WDR49: variants seen among roughly 807,000 people sequenced by gnomAD.
The protein encoded by WDR49 is cilia- and flagella-associated protein 337.
Under a neutral mutation model 119.5 loss-of-function variants are expected in WDR49, and 107 were observed. The observed-to-expected ratio is 0.90, with a 90% CI of 0.77 to 1.05. WDR49 has a LOEUF of 1.05. WDR49 is among the 50% of genes least tolerant of loss of function. The pLI is 0.00. For synonymous variants in WDR49, 425 were observed against 418.8 expected, an observed-to-expected ratio of 1.01 and a Z score of -0.18; for missense variants, 1,240 against 1,220.5, an observed-to-expected ratio of 1.02 and a Z score of -0.24.
intron 18 of WDR49, 66 bp from the exon 19 acceptor site, chr3:167,479,062 G>A (rs1039036619): frequency 8.4e-7 from 1 of 1,195,832 alleles, no homozygotes; most frequent in East Asian, 2.6e-5. Flanking sequence ...AAATGAAATA[G>A]TGGGGAGAAA....
intron 2 of WDR49, among the ~76,000 whole-genome samples, chr3:167,638,439 A>T (rs1322518746): frequency 6.6e-6 from 1 of 151,530 alleles, no homozygotes; most frequent in Non-Finnish European, 1.5e-5. Context: ...CTATAACTAT[A>T]ATTAAATTTA....
At chr3:167,562,760 G>T (rs1362761546) in intron 8 of WDR49, among the ~76,000 whole-genome samples, 1 of 152,086 alleles carries the variant, frequency 6.6e-6, no homozygotes, top group Admixed American at 6.6e-5. Context: ...TTCTACCTCG[G>T]ACATTAAGGG....
chr3:167,554,555 T>A, intron 10 of WDR49, 95 bp downstream of exon 10: 1 of 697,688 alleles, frequency 1.4e-6, no homozygotes, highest in South Asian at 2.4e-5. Context: ...CTCACCTAGG[T>A]CACCAGCAAG....
At chr3:167,543,121 T>A (rs1270675997) in intron 10 of WDR49, among the ~76,000 whole-genome samples, 5 of 151,408 alleles carry the variant, frequency 3.3e-5, no homozygotes, top group Admixed American at 6.6e-5. Context: ...AACAGACCAA[T>A]AACAAGTAGT....
At chr3:167,607,915 G>A (rs1372868660) in intron 5 of WDR49, among the ~76,000 whole-genome samples, 1 of 151,936 alleles carries the variant, frequency 6.6e-6, no homozygotes, top group Non-Finnish European at 1.5e-5. Context: ...AAGGGTAAAA[G>A]GGAGGGAGGG....
chr3:167,535,074 T>C (rs148642438), intron 11 of WDR49, among the ~76,000 whole-genome samples: 2 of 152,286 alleles, frequency 1.3e-5, no homozygotes, highest in Admixed American at 6.5e-5. Flanking sequence ...AAAATATAGA[T>C]ATATTATTAT....
intron 7 of WDR49, among the ~76,000 whole-genome samples, chr3:167,595,203 T>G (rs554434552): frequency 6.6e-6 from 1 of 152,194 alleles, no homozygotes; most frequent in East Asian, 1.9e-4. Context: ...AAACCACTGC[T>G]CAACAAAATA....
chr3:167,514,961 T>G (rs1183566755), intron 16 of WDR49, among the ~76,000 whole-genome samples: 1 of 152,076 alleles, frequency 6.6e-6, no homozygotes, highest in Non-Finnish European at 1.5e-5. Flanking sequence ...AAGAGGCCAG[T>G]AATGAGTTTT....
At chr3:167,493,771 T>C (rs978944628) in intron 18 of WDR49, among the ~76,000 whole-genome samples, 7 of 152,196 alleles carry the variant, frequency 4.6e-5, no homozygotes, top group Non-Finnish European at 8.8e-5. Context: ...ACTTATTCTT[T>C]TTCCTTTCTA....
At chr3:167,485,026 A>T (rs919503208) in intron 18 of WDR49, among the ~76,000 whole-genome samples, 3 of 152,216 alleles carry the variant, frequency 2.0e-5, no homozygotes, top group Non-Finnish European at 2.9e-5. Context: ...AAAAAGAATG[A>T]GTTCATGTCC....
At chr3:167,637,971 T>C (rs933311072) in intron 2 of WDR49, among the ~76,000 whole-genome samples, 3 of 151,594 alleles carry the variant, frequency 2.0e-5, no homozygotes, top group African/African-American at 7.2e-5. Context: ...CCAATTACTT[T>C]GAACAAGACA....
intron 7 of WDR49, among the ~76,000 whole-genome samples, chr3:167,586,676 C>T (rs1000059337): frequency 1.3e-5 from 2 of 152,134 alleles, no homozygotes; most frequent in Non-Finnish European, 2.9e-5. Flanking sequence ...TGGCAGAATG[C>T]ATTGTTGTTT....
In WDR49 at chr3:167,649,838, G is replaced by A. The variant is rs114120027; in HGVS notation, c.165+3423C>T. 5.8e-3 allele frequency among the ~76,000 whole-genome samples: 881 copies of A among 152,282 alleles called. 7 individuals are homozygous for A. Among genetic ancestry groups the A allele is most frequent in the African/African-American group, 0.02 (849 of 41,554 alleles). ...TTTAGTAGGGCTTGGGCAAATGATA[G>A]CATGGAGCTGACAGGGTAAAGCCAG... On this transcript the variant is annotated intron_variant, in intron 2 of 18. Coordinates refer to ENST00000682715, the MANE Select transcript of WDR49 (RefSeq NM_001366157.1).
chr3:167,512,614 G>T (rs1024710049), intron 16 of WDR49, among the ~76,000 whole-genome samples: 1 of 152,174 alleles, frequency 6.6e-6, no homozygotes, highest in Non-Finnish European at 1.5e-5. Flanking sequence ...AGGCAGAGAT[G>T]GATGAATTGA....
intron 5 of WDR49, among the ~76,000 whole-genome samples, chr3:167,613,817 T>C (rs1477807256): frequency 6.6e-6 from 1 of 151,590 alleles, no homozygotes; most frequent in Non-Finnish European, 1.5e-5. Flanking sequence ...TGGTAGCTCA[T>C]GCCTGTAATC....
Position 167,546,109 on chromosome 3 carries a change from A to G in WDR49, c.1823+8541T>C, listed in dbSNP as rs148449467. Among the ~76,000 whole-genome samples the G allele has an allele frequency of 3.9e-5, 6 of 151,926 alleles. No individual in the cohort carries two copies. In the East Asian group the frequency reaches 9.7e-4, roughly 25 times the overall value. ...GGTGGCAGTGGGAGAGAGAAGGTCA[A>G]TCTTACATATTTTGCATTATCTCTC... On this transcript the variant is annotated intron_variant, in intron 10 of 18. Transcript: ENST00000682715.
At chr3:167,485,335 A>G (rs1750880427) in intron 18 of WDR49, among the ~76,000 whole-genome samples, 2 of 152,130 alleles carry the variant, frequency 1.3e-5, no homozygotes, top group South Asian at 4.1e-4. Flanking sequence ...CGTTCTATAC[A>G]TGTATCCTAG....
At chr3:167,593,160 T>C (rs1715229025) in intron 7 of WDR49, among the ~76,000 whole-genome samples, 1 of 152,108 alleles carries the variant, frequency 6.6e-6, no homozygotes, top group African/African-American at 2.4e-5. Flanking sequence ...GTTTAGGAAG[T>C]TCTCTGTTAT....
chr3:167,582,170 A>G (rs888765646), intron 7 of WDR49, among the ~76,000 whole-genome samples: 5 of 152,048 alleles, frequency 3.3e-5, no homozygotes, highest in African/African-American at 1.2e-4. Context: ...GATAACAGGA[A>G]TGGAGGGCAT....
Sources: allele counts gnomAD v4.1 joint callset (sites outside exome capture counted in the v4.1 genomes callset), GRCh38; gene constraint gnomAD v4.1.1; transcripts MANE v1.5; gene names NCBI Gene and HGNC (gene_info 2026-07-23, HGNC 2026-07-21).